Variants in CDH5 observed in about 807,000 individuals in gnomAD.
CDH5 encodes the protein cadherin 5, also known as cadherin-5.
In CDH5, 28 loss-of-function variants were observed where a neutral mutation model predicts 62.0. The observed-to-expected ratio is 0.45, with a 90% CI of 0.33 to 0.62. CDH5 has a LOEUF of 0.62. Ranked by LOEUF, CDH5 falls within the 20% of genes least tolerant of loss-of-function variation. CDH5 has a pLI of 0.02. For missense variants in CDH5, 940 were observed against 1,065.1 expected (o/e 0.88, Z 1.63); for synonymous variants, 464 against 445.8 (o/e 1.04, Z -0.52).
chr16:66,368,760 C>T lies in CDH5; in HGVS notation c.-20+2002C>T, dbSNP rs980628248. Among the ~76,000 whole-genome samples, 7 of 152,156 alleles carry T rather than the reference C, an allele frequency of 4.6e-5. No homozygotes were observed. The East Asian group carries it at 9.6e-4, about 21-fold the overall frequency. On this transcript the variant is annotated intron_variant, in intron 1 of 11. Transcript: ENST00000341529. Reference sequence around the variant, plus strand: ...ACACAAGGTAGAAGCAGGGTGAGTGCGGTTCCTTCTGACCCACAGTCCATG... The same window carrying T: ...ACACAAGGTAGAAGCAGGGTGAGTGTGGTTCCTTCTGACCCACAGTCCATG...
intron 2 of CDH5, among the ~76,000 whole-genome samples, chr16:66,381,465 T>TCA (rs1005517201): frequency 6.6e-6 from 1 of 152,216 alleles, no homozygotes; most frequent in African/African-American, 2.4e-5. Context: ...TAGTGGAATT[T>TCA]CACACACAAT....
intron 7 of CDH5, chr16:66,392,594 G>C (rs905579932): frequency 1.7e-6 from 1 of 600,326 alleles, no homozygotes; most frequent in Non-Finnish European, 2.9e-6. Flanking sequence ...GCATGGTCCT[G>C]GGCATCCAGA....
chr16:66,384,712 T>C (rs1014311159), intron 2 of CDH5, among the ~76,000 whole-genome samples: 24 of 141,668 alleles, frequency 1.7e-4, no homozygotes, highest in Non-Finnish European at 3.0e-4. Flanking sequence ...ACACCTGTAA[T>C]CACAGCACTT....
Position 66,379,145 on chromosome 16 carries a change from TC to T in CDH5, c.-19-172del, listed in dbSNP as rs558133940. The T allele has an allele frequency of 5.4e-4, 303 of 556,810 alleles. 1 individual carries two copies. The African/African-American group carries it at 6.5e-3, about 12-fold the overall frequency. 34.5% of individuals were successfully genotyped at this position (556,810 alleles called of 1,614,324 possible). ...ATGTTGTCCTAAAACCGACCTTTCA[TC>T]CGAGTGCATGACTGCTCCCTGAAAG... On this transcript the variant is annotated intron_variant, in intron 1 of 11. Coordinates refer to ENST00000341529, the MANE Select transcript of CDH5 (RefSeq NM_001795.5).
At chr16:66,368,595 A>G (rs2142299664) in intron 1 of CDH5, among the ~76,000 whole-genome samples, 1 of 152,338 alleles carries the variant, frequency 6.6e-6, no homozygotes, top group African/African-American at 2.4e-5. Flanking sequence ...CATTTTGCCC[A>G]CATGGACCCA....
chr16:66,383,241 CTGCATAAACTA>C (rs1457485716), intron 2 of CDH5, among the ~76,000 whole-genome samples: 1 of 152,168 alleles, frequency 6.6e-6, no homozygotes, highest in Non-Finnish European at 1.5e-5. Flanking sequence ...CTAAGGAACT[CTGCATAAACTA>C]TGCCCTCTGG....
chr16:66,395,938 T>G (rs1961176739), intron 7 of CDH5, 121 bp from the exon 8 acceptor site: 2 of 959,834 alleles, frequency 2.1e-6, no homozygotes, highest in Non-Finnish European at 3.2e-6. Flanking sequence ...CAATGAGCAG[T>G]GAGAGAGGGG....
Position 66,386,908 on chromosome 16 carries a change from G to A in CDH5, c.310G>A (p.Ala104Thr), listed in dbSNP as rs754674689. The A allele has an allele frequency of 1.4e-5, 22 of 1,614,114 alleles. No individual in the cohort carries two copies. The highest frequency in any genetic ancestry group is 4.5e-5 in the East Asian group (2 of 44,894). ...RVDAETGDVF[A>T]IERLDRENIS... is the part of the protein sequence containing the mutation. ...CGATGCAGAGACAGGAGACGTGTTC[G>A]CCATTGAGAGGCTGGACCGGGAGAA... The change falls in exon 3 of 12, where the codon GCC becomes ACC. Residue 104 changes from alanine to threonine, a missense_variant. Transcript: ENST00000341529.
chr16:66,398,639 G>T, intron 10 of CDH5, 78 bp downstream of exon 10: 1 of 762,094 alleles, frequency 1.3e-6, no homozygotes, highest in East Asian at 2.7e-5. Flanking sequence ...GGCTGAGGCA[G>T]GAAGATCGCT....
Position 66,395,665 on chromosome 16 carries a change from AAAGTT to A in CDH5, c.1218-391_1218-387del, listed in dbSNP as rs1961172651. The stretch of plus-strand genomic sequence containing the variant: ...GAACTTTTTAAGTTTTTTATTTCAC[AAAGTT>A]AATTTCTTTGTAATTACTTCTTATC... On this transcript the variant is annotated intron_variant, in intron 7 of 11. Coordinates refer to ENST00000341529, the MANE Select transcript of CDH5 (RefSeq NM_001795.5). The A allele has an allele frequency of 1.3e-5, 2 of 156,168 alleles. 1 individual carries two copies. Among genetic ancestry groups the A allele is most frequent in the Non-Finnish European group, 2.8e-5 (2 of 71,020 alleles). The allele number at this position is 156,168 out of a possible 1,614,324, so 9.7% of individuals were successfully genotyped here.
intron 1 of CDH5, among the ~76,000 whole-genome samples, chr16:66,368,425 G>A (rs1273330938): frequency 1.3e-5 from 2 of 152,214 alleles, no homozygotes; most frequent in Admixed American, 1.3e-4. Flanking sequence ...CTGCCCGCCT[G>A]CAGCCTCAGC....
At chr16:66,389,239 C>G in intron 4 of CDH5, 119 bp from the exon 5 acceptor site, 1 of 923,780 alleles carries the variant, frequency 1.1e-6, no homozygotes, top group Non-Finnish European at 1.6e-6. Context: ...GTTCTCAGCC[C>G]CATTTGCACA....
In CDH5 at chr16:66,398,049, C is replaced by A. The variant is rs1232208522; in HGVS notation, c.1428C>A (p.Ala476=). ...AAGTTTTGGATGAGAATGACAATGCCCCGGAGTTTGCCAAGCCCTACCAGC... is the reference window on the plus strand; with the variant it reads ...AAGTTTTGGATGAGAATGACAATGCACCGGAGTTTGCCAAGCCCTACCAGC... ...HIEVLDENDN[A]PEFAKPYQPK... The change falls in exon 9 of 12, where the codon GCC becomes GCA. Residue 476 remains alanine, a synonymous_variant. Transcript: ENST00000341529. 6 of 1,614,016 alleles carry A rather than the reference C, an allele frequency of 3.7e-6. No individual in the cohort carries two copies. The highest frequency in any genetic ancestry group is 5.1e-6 in the Non-Finnish European group (6 of 1,180,030).
intron 1 of CDH5, 165 bp from the exon 2 acceptor site, chr16:66,379,154 A>G (rs961583440): frequency 8.1e-6 from 5 of 618,494 alleles, no homozygotes; most frequent in East Asian, 2.7e-5. Context: ...ATCCGAGTGC[A>G]TGACTGCTCC....
Position 66,392,375 on chromosome 16 carries a change from T to G in CDH5, c.1209T>G (p.His403Gln), listed in dbSNP as rs1961103560. 6.2e-7 allele frequency: 1 copy of G among 1,614,108 alleles called. No homozygotes were observed. The highest frequency in any genetic ancestry group is 8.5e-7 in the Non-Finnish European group (1 of 1,180,024). The stretch of plus-strand genomic sequence containing the variant: ...CCATGGACCCTGATGCGGCTAGGCA[T>G]AGCATTGGGTAAGGGGGCGTGTGTC... ...VLAMDPDAARHSIGYSIRRTS... is the reference protein window; with the variant it reads ...VLAMDPDAARQSIGYSIRRTS... Residue 403 changes from histidine (H) to glutamine (Q), a missense_variant, in exon 7 of 12, where the codon CAT (histidine) becomes CAG (glutamine). His to Gln is a conservative substitution (Grantham distance 24). Coordinates refer to ENST00000341529, the MANE Select transcript of CDH5 (RefSeq NM_001795.5).
chr16:66,400,676 C>A, intron 10 of CDH5, 95 bp from the exon 11 acceptor site: 1 of 1,468,042 alleles, frequency 6.8e-7, no homozygotes, highest in Non-Finnish European at 9.5e-7. Flanking sequence ...AGGGAGCACG[C>A]AGGCTGGTGC....
chr16:66,377,379 C>T (rs1205379281), intron 1 of CDH5: 1 of 152,274 alleles, frequency 6.6e-6, no homozygotes, highest in African/African-American at 2.4e-5. Flanking sequence ...ATTCTGGGGC[C>T]TATCCCCACC....
intron 2 of CDH5, among the ~76,000 whole-genome samples, chr16:66,383,365 C>A (rs1960930138): frequency 6.6e-6 from 1 of 152,170 alleles, no homozygotes; most frequent in Non-Finnish European, 1.5e-5. Flanking sequence ...CATCTGGAAA[C>A]TCTCTGCCCT....
rs2142350477 is a variant in CDH5, at chr16:66,404,415, C to T, written c.*1246C>T. 1 of 152,442 alleles carries T rather than the reference C, an allele frequency of 6.6e-6. No individual in the cohort carries two copies. The highest frequency in any genetic ancestry group is 2.1e-4 in the South Asian group (1 of 4,828). The allele number at this position is 152,442 out of a possible 1,614,324, so 9.4% of individuals were successfully genotyped here. A position where few individuals can be genotyped will look rare whatever the true frequency, so the allele number is the denominator to read the frequency against. On this transcript the variant is annotated 3_prime_UTR_variant, in exon 12 of 12. Transcript: ENST00000341529. ...GCAGGGAAGGAGACACCAAGCTCAC[C>T]CTTCGTCATGGACCGAGGTTCCCAC...
Sources: allele counts gnomAD v4.1 joint callset (sites outside exome capture counted in the v4.1 genomes callset), GRCh38; gene constraint gnomAD v4.1.1; transcripts MANE v1.5; gene names NCBI Gene and HGNC (gene_info 2026-07-23, HGNC 2026-07-21).